Variants in TSEN2 observed in about 807,000 individuals in gnomAD.
The protein encoded by TSEN2 is tRNA-splicing endonuclease subunit Sen2.
In TSEN2, 54 loss-of-function variants were observed where a neutral mutation model predicts 59.2. The observed-to-expected ratio is 0.91, with a 90% confidence interval of 0.73 to 1.14. The LOEUF (loss-of-function observed/expected upper bound fraction) is 1.14. TSEN2 is among the 50% of genes most tolerant of loss of function. The probability of loss-of-function intolerance (pLI) is 0.00; values close to 1 mark genes in which losing one functional copy is unlikely to be tolerated. For synonymous variants in TSEN2, 195 were observed against 198.2 expected (o/e 0.98, Z 0.14); for missense variants, 636 against 576.2 (o/e 1.10, Z -1.06).
chr3:12,501,322 A>G (rs537494000), intron 4 of TSEN2, among the ~76,000 whole-genome samples: 1 of 152,336 alleles, frequency 6.6e-6, no homozygotes, highest in African/African-American at 2.4e-5. Context: ...CCACACAGTT[A>G]TAAGTAACAG....
At chr3:12,482,629 C>G (rs1416971125), upstream of TSEN2, among the ~76,000 whole-genome samples, 2 of 151,810 alleles carry the variant, frequency 1.3e-5, no homozygotes, top group Non-Finnish European at 2.9e-5. Flanking sequence ...AACCCCAAAT[C>G]CTTCCACGAG....
chr3:12,539,537 T>G, exon 11 of TSEN2: 1 of 166,772 alleles, frequency 6.0e-6, no homozygotes, highest in South Asian at 1.4e-4. Context: ...ACTTTCTGTA[T>G]GCACATTGGA....
At chr3:12,518,973 A>T in intron 7 of TSEN2, 86 bp from the exon 8 acceptor site, 1 of 1,349,458 alleles carries the variant, frequency 7.4e-7, no homozygotes, top group Non-Finnish European at 1.1e-6. Flanking sequence ...TCAGCTCCAC[A>T]CTTAGTATAG....
At chr3:12,488,419 C>T (rs1047359460) in intron 1 of TSEN2, among the ~76,000 whole-genome samples, 1 of 152,256 alleles carries the variant, frequency 6.6e-6, no homozygotes, top group African/African-American at 2.4e-5. Flanking sequence ...CCATCTCATT[C>T]CAGGACAGCT....
chr3:12,524,766 A>G (rs1366060094), intron 8 of TSEN2, among the ~76,000 whole-genome samples: 2 of 147,162 alleles, frequency 1.4e-5, no homozygotes, highest in African/African-American at 5.1e-5. Context: ...TTCTTGAAAC[A>G]GAGTGTCGCT....
intron 6 of TSEN2, among the ~76,000 whole-genome samples, 186 bp from the exon 7 acceptor site, chr3:12,516,425 A>C (rs1247495083): frequency 8.0e-6 from 1 of 125,234 alleles, no homozygotes; most frequent in Non-Finnish European, 1.8e-5. Flanking sequence ...ACTCCGTTTC[A>C]AAAACAAACA....
At position 12,505,193 on chromosome 3, in the gene TSEN2, T is replaced by C. The variant is rs2125059760; in HGVS notation, c.871T>C (p.Tyr291His). Residue 291 changes from tyrosine (Y) to histidine (H), a missense_variant, in exon 6 of 12, where the codon TAT (tyrosine) becomes CAT (histidine). Tyr to His is a moderately conservative substitution (Grantham distance 83). Coordinates refer to ENST00000284995, the MANE Select transcript of TSEN2 (RefSeq NM_025265.4). ...CAGGTTAATATGCAGAAGAAATCCA[T>C]ATAGGATCTTTGAGTATTTGCAACT... The part of the protein sequence containing the change: ...RNRLICRRNP[Y>H]RIFEYLQLSL... The C allele has an allele frequency of 1.2e-6, 2 of 1,612,298 alleles. No homozygotes were observed. The highest frequency in any genetic ancestry group is 1.7e-6 in the Non-Finnish European group (2 of 1,178,326).
intron 8 of TSEN2, among the ~76,000 whole-genome samples, chr3:12,528,387 T>A (rs1198853293): frequency 6.6e-6 from 1 of 152,148 alleles, no homozygotes; most frequent in African/African-American, 2.4e-5. Flanking sequence ...CTTTACTAAT[T>A]GTACTTTGTT....
At chr3:12,497,719 C>G (rs1344363203) in intron 4 of TSEN2, among the ~76,000 whole-genome samples, 1 of 152,228 alleles carries the variant, frequency 6.6e-6, no homozygotes, top group Non-Finnish European at 1.5e-5. Flanking sequence ...AGAGGGCTAC[C>G]TCCCTGAAGA....
chr3:12,536,769 G>A (rs2057681575), downstream of TSEN2, among the ~76,000 whole-genome samples: 1 of 151,940 alleles, frequency 6.6e-6, no homozygotes, highest in Non-Finnish European at 1.5e-5. Flanking sequence ...GGGAGGCCGA[G>A]ACGGGTGGAT....
intron 8 of TSEN2, among the ~76,000 whole-genome samples, chr3:12,523,234 T>C (rs1387771958): frequency 6.6e-6 from 1 of 152,206 alleles, no homozygotes; most frequent in Non-Finnish European, 1.5e-5. Flanking sequence ...CCCAAAGGTC[T>C]GGTTACTCCT....
intron 10 of TSEN2, chr3:12,538,830 G>A (rs886122604): frequency 9.7e-5 from 17 of 175,372 alleles, no homozygotes; most frequent in Non-Finnish European, 1.7e-4. Context: ...CCAGCCTCCT[G>A]TGAAGGTGTC....
In TSEN2 at chr3:12,499,593, G is replaced by A. The variant is rs114914997; in HGVS notation, c.308+3039G>A. On this transcript the variant is annotated intron_variant, in intron 4 of 11. Transcript: ENST00000284995. ...GAGGGTAGGTACTAGAGATGTTTCT[G>A]TTTCGTAGATGGGGACTCAGGGGAG... 9.3e-3 allele frequency among the ~76,000 whole-genome samples: 1,410 copies of A among 152,280 alleles called. 11 individuals are homozygous for A. The highest frequency in any genetic ancestry group is 0.014 in the Admixed American group (211 of 15,302).
Position 12,489,883 on chromosome 3 carries a change from G to A in TSEN2, c.83G>A (p.Gly28Asp). The change falls in exon 2 of 12, where the codon GGT becomes GAT. Residue 28 changes from glycine to aspartate, a missense_variant. By Grantham distance (94) the Gly-to-Asp change is moderately conservative (BLOSUM62 -1). Transcript: ENST00000284995. ...TYESPLPIPF[G>D]QDHGPLKEFK... Reference sequence around the variant, plus strand: ...GAGTCTCCATTGCCAATCCCTTTTGGTCAGGACCATGGTCCTCTGAAAGAA... The same window carrying A: ...GAGTCTCCATTGCCAATCCCTTTTGATCAGGACCATGGTCCTCTGAAAGAA... The A allele has an allele frequency of 6.2e-7, 1 of 1,614,016 alleles. No homozygotes were observed. Among genetic ancestry groups the A allele is most frequent in the Non-Finnish European group, 8.5e-7 (1 of 1,179,984 alleles).
chr3:12,531,702 T>C (rs1479539516), intron 11 of TSEN2, 43 bp downstream of exon 11: 2 of 1,274,616 alleles, frequency 1.6e-6, no homozygotes, highest in Non-Finnish European at 2.3e-6. Flanking sequence ...AAAGATTCTG[T>C]GAATCATAGT....
intron 6 of TSEN2, among the ~76,000 whole-genome samples, chr3:12,506,222 T>C (rs2125067097): frequency 6.6e-6 from 1 of 151,992 alleles, no homozygotes; most frequent in East Asian, 1.9e-4. Context: ...ATTCAGATCA[T>C]GTAGTGACTG....
upstream of TSEN2, among the ~76,000 whole-genome samples, chr3:12,482,129 T>C (rs889134285): frequency 1.4e-4 from 22 of 152,286 alleles, no homozygotes; most frequent in Admixed American, 3.9e-4. Context: ...GAAGCGATTT[T>C]TTATTTTTGA....
At chr3:12,512,872 T>C (rs2125112511) in intron 6 of TSEN2, among the ~76,000 whole-genome samples, 1 of 152,358 alleles carries the variant, frequency 6.6e-6, no homozygotes, top group South Asian at 2.1e-4. Context: ...GTTATTGAGA[T>C]CTATTTTTCC....
upstream of TSEN2, among the ~76,000 whole-genome samples, chr3:12,483,652 T>C (rs1337037586): frequency 2.0e-5 from 3 of 152,238 alleles, no homozygotes; most frequent in Non-Finnish European, 4.4e-5. Context: ...TCTAGCACCA[T>C]GAATCTCTCC....
Sources: allele counts gnomAD v4.1 joint callset (sites outside exome capture counted in the v4.1 genomes callset), GRCh38; gene constraint gnomAD v4.1.1; transcripts MANE v1.5; gene names NCBI Gene and HGNC (gene_info 2026-07-23, HGNC 2026-07-21).